Variants in LRRC49 observed in about 807,000 individuals in gnomAD.
LRRC49 encodes leucine rich repeat containing 49.
LRRC49 carries 50 observed loss-of-function variants against 83.3 expected under a neutral mutation model. The ratio of observed to expected loss-of-function variants is 0.60; its 90% CI spans 0.48 to 0.76. LRRC49 has a LOEUF of 0.76. Ranked by LOEUF, LRRC49 falls within the 30% of genes least tolerant of loss-of-function variation. The probability of loss-of-function intolerance (pLI) is 0.00; values close to 1 mark genes in which losing one functional copy is unlikely to be tolerated. For synonymous variants in LRRC49, 286 were observed against 283.3 expected (o/e 1.01, Z -0.10); for missense variants, 704 against 809.1 (o/e 0.87, Z 1.58).
intron 11 of LRRC49, 31 bp downstream of exon 11, chr15:70,984,288 C>A: frequency 6.6e-7 from 1 of 1,518,056 alleles, no homozygotes. Context: ...AAGATACAAG[C>A]ATCTTTGATA....
intron 12 of LRRC49, 113 bp downstream of exon 12, chr15:71,008,729 T>C (rs1239766475): frequency 5.6e-6 from 4 of 716,714 alleles, no homozygotes; most frequent in Non-Finnish European, 9.0e-6. Flanking sequence ...GGCAGGAAGA[T>C]TTAAGTTTTG....
chr15:70,926,550 G>C (rs2035206169), intron 7 of LRRC49, among the ~76,000 whole-genome samples: 1 of 151,608 alleles, frequency 6.6e-6, no homozygotes, highest in African/African-American at 2.4e-5. Context: ...TAAGTTTTAG[G>C]GTACATGTGC....
intron 1 of LRRC49, among the ~76,000 whole-genome samples, chr15:70,855,734 G>A (rs779829620): frequency 3.9e-5 from 6 of 152,200 alleles, no homozygotes; most frequent in Non-Finnish European, 5.9e-5. Context: ...AAATAAGTAA[G>A]TAAAGGAAGA....
rs1033233631 is a variant in LRRC49, at chr15:71,051,452, A to C, written c.*1840A>C. 1.3e-5 allele frequency: 2 copies of C among 152,200 alleles called. No individual in the cohort carries two copies. Among genetic ancestry groups the C allele is most frequent in the South Asian group, 2.1e-4 (1 of 4,828 alleles). The allele number at this position is 152,200 out of a possible 1,614,324, so 9.4% of individuals were successfully genotyped here. On this transcript the variant is annotated 3_prime_UTR_variant, in exon 16 of 16. Coordinates refer to ENST00000260382, the MANE Select transcript of LRRC49 (RefSeq NM_017691.5). ...TTTCTCATCTGGCTAGTAAACACTT[A>C]TCTCTCCTGGGCTTATATCTTGTTT...
chr15:70,990,316 A>T (rs182690300), intron 11 of LRRC49, among the ~76,000 whole-genome samples: 56 of 152,200 alleles, frequency 3.7e-4, no homozygotes, highest in African/African-American at 1.3e-3. Context: ...TGCTGTGTTT[A>T]CCTAAGCAAG....
At chr15:70,971,387 A>G (rs564023174) in intron 9 of LRRC49, among the ~76,000 whole-genome samples, 5 of 152,072 alleles carry the variant, frequency 3.3e-5, no homozygotes, top group African/African-American at 9.6e-5. Context: ...TTTACTTCCA[A>G]TTATGCGGTT....
At chr15:71,002,098 A>G (rs561937015) in intron 11 of LRRC49, among the ~76,000 whole-genome samples, 1 of 152,350 alleles carries the variant, frequency 6.6e-6, no homozygotes, top group Admixed American at 6.5e-5. Flanking sequence ...AAATTTTATC[A>G]TTTGGGACCC....
At chr15:70,868,433 C>A (rs2141074201) in intron 1 of LRRC49, among the ~76,000 whole-genome samples, 1 of 152,300 alleles carries the variant, frequency 6.6e-6, no homozygotes, top group Non-Finnish European at 1.5e-5. Context: ...ATGGTCAGGG[C>A]CAAGAAAATG....
chr15:71,043,555 T>C (rs2039760832), intron 15 of LRRC49, among the ~76,000 whole-genome samples: 1 of 152,168 alleles, frequency 6.6e-6, no homozygotes, highest in African/African-American at 2.4e-5. Context: ...AATGGGATCA[T>C]CCTGGACAGG....
intron 2 of LRRC49, among the ~76,000 whole-genome samples, chr15:70,884,028 T>A (rs538030693): frequency 1.2e-4 from 19 of 152,096 alleles, no homozygotes; most frequent in Admixed American, 8.5e-4. Flanking sequence ...ATGTAAAAGG[T>A]AATATAAGAC....
intron 11 of LRRC49, among the ~76,000 whole-genome samples, chr15:70,993,364 C>T (rs568370062): frequency 1.9e-4 from 29 of 152,282 alleles, no homozygotes; most frequent in African/African-American, 5.8e-4. Context: ...CTTTGGCTCA[C>T]GCTTGGTGGG....
At chr15:70,879,435 A>G (rs1002984176) in intron 2 of LRRC49, among the ~76,000 whole-genome samples, 1 of 152,116 alleles carries the variant, frequency 6.6e-6, no homozygotes, top group African/African-American at 2.4e-5. Flanking sequence ...GACATTTTGG[A>G]TGATAAATTG....
At chr15:70,949,344 T>G (rs1018794454) in intron 8 of LRRC49, among the ~76,000 whole-genome samples, 1 of 152,246 alleles carries the variant, frequency 6.6e-6, no homozygotes, top group Non-Finnish European at 1.5e-5. Context: ...TCTAGTGATA[T>G]CATAGCCATT....
intron 15 of LRRC49, among the ~76,000 whole-genome samples, chr15:71,042,260 A>G (rs143290652): frequency 1.3e-3 from 193 of 152,298 alleles, no homozygotes; most frequent in African/African-American, 4.2e-3. Flanking sequence ...AGTAGCTGAA[A>G]CTACAGGCAT....
At chr15:71,028,898 C>T (rs1194863384) in intron 14 of LRRC49, among the ~76,000 whole-genome samples, 5 of 152,090 alleles carry the variant, frequency 3.3e-5, no homozygotes, top group African/African-American at 1.2e-4. Flanking sequence ...AAAACCAGCT[C>T]CTGGATTCAC....
intron 9 of LRRC49, among the ~76,000 whole-genome samples, chr15:70,973,234 G>T (rs954610765): frequency 5.9e-5 from 9 of 152,078 alleles, no homozygotes; most frequent in African/African-American, 2.2e-4. Flanking sequence ...TAACAGTCAG[G>T]CCCCTCTTCT....
At chr15:71,038,346 CT>C (rs1172201228) in intron 15 of LRRC49, among the ~76,000 whole-genome samples, 7 of 152,188 alleles carry the variant, frequency 4.6e-5, no homozygotes, top group African/African-American at 1.7e-4. Context: ...TTTTGGACCT[CT>C]TTATTCAAAC....
intron 1 of LRRC49, among the ~76,000 whole-genome samples, chr15:70,869,530 A>G (rs11853513): frequency 0.55 from 82,946 of 151,860 alleles, 23,440 homozygotes; most frequent in Admixed American, 0.69. Context: ...ACAGCTGTGG[A>G]ATGTACATAT....
chr15:70,984,786 C>G lies in LRRC49; in HGVS notation c.1169+529C>G, dbSNP rs1443576861. 3.5e-3 allele frequency among the ~76,000 whole-genome samples: 425 copies of G among 120,986 alleles called. 1 individual carries two copies. Among genetic ancestry groups the G allele is most frequent in the Non-Finnish European group, 4.4e-3 (266 of 59,816 alleles). The allele number at this position is 120,986 out of a possible 152,430, so 79.4% of individuals were successfully genotyped here. A position where few individuals can be genotyped will look rare whatever the true frequency, so the allele number is the denominator to read the frequency against. On this transcript the variant is annotated intron_variant, in intron 11 of 15. Transcript: ENST00000260382. Reference sequence around the variant, plus strand: ...TAAAGCTATCCCTCCCCCCTCCCCCCACCCCACAACAGTCCCCAGAGTGTG... The same window carrying G: ...TAAAGCTATCCCTCCCCCCTCCCCCGACCCCACAACAGTCCCCAGAGTGTG...
Sources: allele counts gnomAD v4.1 joint callset (sites outside exome capture counted in the v4.1 genomes callset), GRCh38; gene constraint gnomAD v4.1.1; transcripts MANE v1.5; gene names NCBI Gene and HGNC (gene_info 2026-07-23, HGNC 2026-07-21).